MIER3: variants seen among roughly 807,000 people sequenced by gnomAD.
The protein encoded by MIER3 is mesoderm induction early response protein 3.
A neutral mutation model predicts 63.2 loss-of-function variants in MIER3; 9 were observed. The ratio of observed to expected loss-of-function variants is 0.14; its 90% CI spans 0.09 to 0.25. The LOEUF (loss-of-function observed/expected upper bound fraction) is 0.25. Among genes scored for constraint, MIER3 ranks in the 10% least tolerant of loss-of-function variants. The probability of loss-of-function intolerance (pLI) is 1.00; values close to 1 mark genes in which losing one functional copy is unlikely to be tolerated. For missense variants in MIER3, 512 were observed against 666.2 expected (o/e 0.77, Z 2.55); for synonymous variants, 205 against 224.9 (o/e 0.91, Z 0.79).
intron 5 of MIER3, among the ~76,000 whole-genome samples, chr5:56,936,118 G>A (rs943251122): frequency 1.6e-4 from 25 of 152,240 alleles, no homozygotes; most frequent in African/African-American, 6.0e-4. Flanking sequence ...TCGGGAGGCT[G>A]AGGCAGGAGA....
Position 56,923,520 on chromosome 5 carries a change from G to C in MIER3, c.1261C>G (p.Pro421Ala). Residue 421 changes from proline (P) to alanine (A), a missense_variant, in exon 13 of 13, where the codon CCT becomes GCT. Pro to Ala is a conservative substitution (Grantham distance 27). This residue lies in a region of MIER3 where 218 missense variants were observed against 251.2 expected (regional missense o/e 0.87). Coordinates refer to ENST00000381199, the MANE Select transcript of MIER3 (RefSeq NM_001297599.2). ...CCACGGGGTGTGTTGCCCAGTGGAG[G>C]AAAGCTATCATCCAAACAATTCACA... ...TDVNCLDDSF[P>A]PLGNTPRGQV... 1.9e-6 allele frequency: 3 copies of C among 1,614,174 alleles called. No homozygotes were observed. Among genetic ancestry groups the C allele is most frequent in the Non-Finnish European group, 2.5e-6 (3 of 1,180,028 alleles).
intron 3 of MIER3, among the ~76,000 whole-genome samples, chr5:56,944,404 C>T (rs1260903264): frequency 6.6e-6 from 1 of 152,064 alleles, no homozygotes; most frequent in Non-Finnish European, 1.5e-5. Context: ...TGGCGTGAAT[C>T]CGGGAGGCGG....
At chr5:56,950,874 C>T (rs1307883082) in intron 1 of MIER3, among the ~76,000 whole-genome samples, 1 of 152,080 alleles carries the variant, frequency 6.6e-6, no homozygotes, top group Non-Finnish European at 1.5e-5. Context: ...AGACCCGGGA[C>T]GAAGCCCGGA....
intron 9 of MIER3, among the ~76,000 whole-genome samples, chr5:56,929,979 A>G (rs1435678536): frequency 1.3e-5 from 2 of 152,196 alleles, no homozygotes; most frequent in Admixed American, 6.5e-5. Context: ...ATTTTTTTTC[A>G]AAGAAGCAGC....
At chr5:56,935,635 C>T in intron 6 of MIER3, 31 bp downstream of exon 6, 2 of 1,573,924 alleles carry the variant, frequency 1.3e-6, no homozygotes, top group Non-Finnish European at 1.7e-6. Flanking sequence ...TTTTAAAAGC[C>T]AATTTAGTCC....
At chr5:56,951,248 G>A (rs1441536495) in intron 1 of MIER3, among the ~76,000 whole-genome samples, 4 of 152,026 alleles carry the variant, frequency 2.6e-5, no homozygotes, top group African/African-American at 9.7e-5. Flanking sequence ...CAGGGATGCT[G>A]GCTCCTTCCA....
chr5:56,950,574 T>G, intron 2 of MIER3, 54 bp downstream of exon 2: 2 of 1,587,702 alleles, frequency 1.3e-6, no homozygotes, highest in Admixed American at 1.7e-5. Flanking sequence ...AACAGACCTT[T>G]GAGCCCACAT....
chr5:56,923,426 C>T lies in MIER3; in HGVS notation c.1355G>A (p.Cys452Tyr), dbSNP rs1157003818. The change falls in exon 13 of 13, where the codon TGT becomes TAT. Residue 452 changes from cysteine to tyrosine, a missense_variant. Physicochemically the swap from Cys to Tyr is radical, Grantham distance 194 (BLOSUM62 -2). Transcript: ENST00000381199. ...LTLPSNGESD[C>Y]FNLFETGFYH... ...AAATCCAGTCTCAAATAAATTAAAA[C>T]AATCACTTTCCCCATTGCTGGGCAG... 3.7e-6 allele frequency: 6 copies of T among 1,614,166 alleles called. No individual in the cohort carries two copies. Among genetic ancestry groups the T allele is most frequent in the East Asian group, 4.5e-5 (2 of 44,886 alleles).
At chr5:56,926,142 C>G (rs540299112) in intron 10 of MIER3, among the ~76,000 whole-genome samples, 69 of 152,052 alleles carry the variant, frequency 4.5e-4, no homozygotes, top group African/African-American at 1.6e-3. Context: ...AACTATAAAG[C>G]TCTTAGAAGA....
intron 10 of MIER3, 78 bp downstream of exon 10, chr5:56,928,689 C>A: frequency 9.9e-7 from 1 of 1,006,290 alleles, no homozygotes; most frequent in South Asian, 1.6e-5. Context: ...TTCTTTTTTC[C>A]TACTTAAGTG....
chr5:56,930,522 G>C (rs1750223912), intron 9 of MIER3, 142 bp downstream of exon 9: 1 of 708,612 alleles, frequency 1.4e-6, no homozygotes, highest in South Asian at 1.7e-5. Context: ...TGCAAGAAAA[G>C]GAAAAATTAT....
chr5:56,938,336 G>C (rs1750524575), intron 4 of MIER3: 2 of 471,060 alleles, frequency 4.2e-6, no homozygotes, highest in African/African-American at 4.0e-5. Flanking sequence ...CCCTGCCTGA[G>C]ATCTGAAAGG....
intron 10 of MIER3, among the ~76,000 whole-genome samples, chr5:56,925,799 C>T (rs888437363): frequency 6.6e-5 from 10 of 150,514 alleles, no homozygotes; most frequent in African/African-American, 2.2e-4. Flanking sequence ...CATAGTATTA[C>T]GAAAAGATAA....
At chr5:56,928,909 T>C (rs776139592) in intron 9 of MIER3, 48 bp from the exon 10 acceptor site, 11 of 1,300,586 alleles carry the variant, frequency 8.5e-6, no homozygotes, top group South Asian at 4.9e-5. Context: ...AATTTTCTTA[T>C]GTGAATCACT....
chr5:56,942,904 G>T (rs1750696657), intron 3 of MIER3, among the ~76,000 whole-genome samples: 1 of 152,142 alleles, frequency 6.6e-6, no homozygotes, highest in Non-Finnish European at 1.5e-5. Context: ...CCAGCACTTT[G>T]GGACGCCAAG....
At chr5:56,945,781 T>A in intron 3 of MIER3, among the ~76,000 whole-genome samples, 1 of 152,086 alleles carries the variant, frequency 6.6e-6, no homozygotes. Flanking sequence ...TTAACATCAA[T>A]CCCCTAAGAC....
rs1332383765 is a variant in MIER3, at chr5:56,923,686, T to C, written c.1195+5A>G. On this transcript the variant is annotated splice_donor_5th_base_variant and intron_variant, in intron 12 of 12. Transcript: ENST00000381199. ...GTACTAAATGCAGAAAGGTCTTCAT[T>C]TTACCTGTCAAGTCACTGGCAGTGA... The C allele has an allele frequency of 3.1e-6, 5 of 1,614,032 alleles. No homozygotes were observed. The highest frequency in any genetic ancestry group is 4.2e-6 in the Non-Finnish European group (5 of 1,180,024).
chr5:56,945,239 G>A (rs1217152300), intron 3 of MIER3, among the ~76,000 whole-genome samples: 1 of 152,122 alleles, frequency 6.6e-6, no homozygotes, highest in African/African-American at 2.4e-5. Context: ...GAGGCAGGTG[G>A]ACTGCCTGAG....
Position 56,922,525 on chromosome 5 carries a change from T to C in MIER3, c.*603A>G, listed in dbSNP as rs1365525734. The stretch of plus-strand genomic sequence containing the variant: ...GGACTTGCTGTTTTGTAAACTGAAG[T>C]GCTCTAGTTGAATAACATGAGAGAA... On this transcript the variant is annotated 3_prime_UTR_variant, in exon 13 of 13. Coordinates refer to ENST00000381199, the MANE Select transcript of MIER3 (RefSeq NM_001297599.2). 6.5e-6 allele frequency: 1 copy of C among 152,992 alleles called. No individual in the cohort carries two copies. The highest frequency in any genetic ancestry group is 1.9e-4 in the East Asian group (1 of 5,204). The allele number at this position is 152,992 out of a possible 1,614,324, so 9.5% of individuals were successfully genotyped here. A position where few individuals can be genotyped will look rare whatever the true frequency, so the allele number is the denominator to read the frequency against.
Sources: gnomAD v4.1 joint callset for allele counts (sites outside exome capture counted in the v4.1 genomes callset) on GRCh38, gnomAD v4.1.1 for gene constraint, gnomAD v4.1.1 regional missense constraint, MANE v1.5 for transcripts, NCBI Gene and HGNC (gene_info 2026-07-23, HGNC 2026-07-21) for gene names.